The following MAP2 variants were observed in gnomAD, a reference collection of about 807,000 sequenced individuals.
The protein encoded by MAP2 is microtubule-associated protein 2.
A neutral mutation model predicts 137.6 loss-of-function variants in MAP2; 14 were observed. That is an observed-to-expected ratio of 0.10 (90% CI 0.07 to 0.16). MAP2 has a LOEUF of 0.16. Ranked by LOEUF, MAP2 falls within the 10% of genes least tolerant of loss-of-function variation. The pLI is 1.00. For missense variants in MAP2, 2,088 were observed against 2,191.5 expected, an observed-to-expected ratio of 0.95 and a Z score of 0.94; for synonymous variants, 786 against 782.3, an observed-to-expected ratio of 1.00 and a Z score of -0.08.
intron 7 of MAP2, chr2:209,690,574 A>C: frequency 1.4e-5 from 18 of 1,262,478 alleles, no homozygotes; most frequent in Middle Eastern, 2.2e-4. Flanking sequence ...TTCTGTGGTC[A>C]TGATGTCAAC....
chr2:209,550,461 G>A (rs1014189181), intron 2 of MAP2, among the ~76,000 whole-genome samples: 10 of 151,880 alleles, frequency 6.6e-5, no homozygotes, highest in Admixed American at 1.3e-4. Flanking sequence ...CAAAGAAATA[G>A]GACTTTATTG....
intron 13 of MAP2, chr2:209,723,808 AT>A: frequency 1.5e-6 from 1 of 666,418 alleles, no homozygotes; most frequent in Non-Finnish European, 2.7e-6. Flanking sequence ...GCTGTTCCAC[AT>A]GTCTCCCTGG....
At chr2:209,605,878 G>A (rs1401913167) in intron 3 of MAP2, among the ~76,000 whole-genome samples, 1 of 152,058 alleles carries the variant, frequency 6.6e-6, no homozygotes, top group East Asian at 1.9e-4. Flanking sequence ...TAACAGTTGA[G>A]TGGTATCCCA....
intron 1 of MAP2, among the ~76,000 whole-genome samples, chr2:209,468,773 C>A (rs1410840862): frequency 2.0e-5 from 3 of 152,026 alleles, no homozygotes; most frequent in African/African-American, 7.2e-5. Context: ...AAGAGTGTTA[C>A]AGATTGCATC....
chr2:209,637,823 C>A (rs2093690763), intron 4 of MAP2, among the ~76,000 whole-genome samples: 1 of 152,080 alleles, frequency 6.6e-6, no homozygotes, highest in African/African-American at 2.4e-5. Flanking sequence ...TGTGATTTTT[C>A]TAAAATTTGT....
intron 5 of MAP2, among the ~76,000 whole-genome samples, chr2:209,656,269 A>G (rs1385132004): frequency 1.3e-5 from 2 of 152,150 alleles, no homozygotes; most frequent in African/African-American, 4.8e-5. Flanking sequence ...TAATCCTAGC[A>G]CTTTGGGAGG....
chr2:209,680,636 T>C, intron 6 of MAP2, 114 bp from the exon 7 acceptor site: 1 of 895,096 alleles, frequency 1.1e-6, no homozygotes, highest in Admixed American at 1.8e-5. Context: ...TACTATTGAA[T>C]CTTTTTCTGA....
At position 209,725,795 on chromosome 2, in the gene MAP2, A is replaced by G. The variant is rs762496896; in HGVS notation, c.5155+5A>G. On this transcript the variant is annotated splice_donor_5th_base_variant and intron_variant, in intron 14 of 15. Transcript: ENST00000682079. ...AGAACATCCGCCACAGGCCAGGTAAATAAATAATTTTTAGTAGTTTGAGAA... is the reference window on the plus strand; with the variant it reads ...AGAACATCCGCCACAGGCCAGGTAAGTAAATAATTTTTAGTAGTTTGAGAA... 8 of 1,571,148 alleles carry G rather than the reference A, an allele frequency of 5.1e-6. No individual in the cohort carries two copies. In the Admixed American group the frequency reaches 1.5e-4, roughly 30 times the overall value.
Position 209,694,919 on chromosome 2 carries a change from G to A in MAP2, c.2749G>A (p.Val917Met), listed in dbSNP as rs1458724501. The A allele has an allele frequency of 2.5e-6, 4 of 1,614,060 alleles. No homozygotes were observed. The Admixed American group carries it at 6.7e-5, about 27-fold the overall frequency. Residue 917 changes from valine (V) to methionine (M), a missense_variant, in exon 8 of 16, where the codon GTG (valine) becomes ATG (methionine). Val to Met is a conservative substitution (Grantham distance 21). This residue lies in a region of MAP2 where 500 missense variants were observed against 482.9 expected (regional missense o/e 1.04). Transcript: ENST00000682079. The part of the protein sequence containing the change: ...DLATDLSLIE[V>M]KLAAAGRVKD... ...GGCCACAGACCTTTCACTGATTGAAGTGAAACTGGCAGCAGCCGGAAGAGT... is the reference window on the plus strand; with the variant it reads ...GGCCACAGACCTTTCACTGATTGAAATGAAACTGGCAGCAGCCGGAAGAGT...
intron 1 of MAP2, among the ~76,000 whole-genome samples, chr2:209,487,974 A>T (rs1023346016): frequency 5.3e-5 from 8 of 152,248 alleles, no homozygotes; most frequent in African/African-American, 1.7e-4. Context: ...TTCTTTAAAA[A>T]ATAAATACTG....
intron 4 of MAP2, among the ~76,000 whole-genome samples, 179 bp downstream of exon 4, chr2:209,625,308 A>G (rs2092087647): frequency 2.6e-5 from 4 of 152,154 alleles, no homozygotes; most frequent in Admixed American, 2.6e-4. Flanking sequence ...AGTGTTATTA[A>G]AACAGCACTT....
intron 2 of MAP2, among the ~76,000 whole-genome samples, chr2:209,573,103 CA>C (rs1263399812): frequency 1.3e-5 from 2 of 151,850 alleles, no homozygotes; most frequent in Non-Finnish European, 2.9e-5. Flanking sequence ...CTCATGGCCT[CA>C]AAAAAATGAA....
intron 2 of MAP2, among the ~76,000 whole-genome samples, chr2:209,526,699 A>G (rs1238014645): frequency 6.7e-6 from 1 of 149,068 alleles, no homozygotes; most frequent in Admixed American, 6.8e-5. Context: ...CAGAAGTATT[A>G]GCTGACCTAA....
At chr2:209,475,995 T>C (rs115766606) in intron 1 of MAP2, among the ~76,000 whole-genome samples, 2,562 of 152,234 alleles carry the variant, frequency 0.017, 72 homozygotes, top group African/African-American at 0.057. Flanking sequence ...AATTTTAATA[T>C]AACTCAAAAT....
intron 2 of MAP2, among the ~76,000 whole-genome samples, chr2:209,565,995 C>G (rs1054763938): frequency 8.5e-5 from 13 of 152,146 alleles, no homozygotes; most frequent in African/African-American, 3.1e-4. Context: ...ATGCAACCAG[C>G]CAGTCAATAA....
intron 5 of MAP2, among the ~76,000 whole-genome samples, chr2:209,668,109 A>G (rs906001265): frequency 1.3e-5 from 2 of 152,062 alleles, no homozygotes; most frequent in African/African-American, 4.8e-5. Flanking sequence ...AGCTATTTCA[A>G]TAACAAGTTA....
chr2:209,437,944 G>A (rs1205669351), intron 1 of MAP2, among the ~76,000 whole-genome samples: 2 of 151,550 alleles, frequency 1.3e-5, no homozygotes, highest in African/African-American at 4.8e-5. Flanking sequence ...TCAACCAGAT[G>A]TGGAACATAG....
chr2:209,511,691 C>T (rs191483211), intron 2 of MAP2, among the ~76,000 whole-genome samples: 13 of 152,190 alleles, frequency 8.5e-5, no homozygotes, highest in Admixed American at 2.0e-4. Flanking sequence ...TCATCTCAGC[C>T]TCCTGATTAG....
intron 3 of MAP2, among the ~76,000 whole-genome samples, chr2:209,615,138 A>G (rs577469507): frequency 2.1e-3 from 317 of 152,274 alleles, no homozygotes; most frequent in Admixed American, 4.6e-3. Context: ...TCCAGTTTCT[A>G]TAGACCACAG....
Sources: allele counts gnomAD v4.1 joint callset (sites outside exome capture counted in the v4.1 genomes callset), GRCh38; gene constraint gnomAD v4.1.1; regional missense constraint gnomAD v4.1.1; transcripts MANE v1.5; gene names NCBI Gene and HGNC (gene_info 2026-07-23, HGNC 2026-07-21).